The following CLCC1 variants were observed in gnomAD, a reference collection of about 807,000 sequenced individuals.
The protein encoded by CLCC1 is chloride channel CLIC like 1, also known as chloride channel CLIC-like protein 1.
A neutral mutation model predicts 63.3 loss-of-function variants in CLCC1; 39 were observed. The observed-to-expected ratio is 0.62, with a 90% confidence interval of 0.48 to 0.81. The LOEUF is 0.81. Among genes scored for constraint, CLCC1 ranks in the 30% least tolerant of loss-of-function variants. The pLI is 0.00. For missense variants in CLCC1, 549 were observed against 669.4 expected, an observed-to-expected ratio of 0.82 and a Z score of 1.98; for synonymous variants, 217 against 239.8, an observed-to-expected ratio of 0.90 and a Z score of 0.88.
In CLCC1 at chr1:108,951,213, T is replaced by A. The variant is rs114862885; in HGVS notation, c.-11-765A>T. Among the ~76,000 whole-genome samples the A allele has an allele frequency of 7.4e-3, 1,127 of 151,954 alleles. 8 individuals are homozygous for A. Among genetic ancestry groups the A allele is most frequent in the Non-Finnish European group, 0.011 (771 of 67,956 alleles). On this transcript the variant is annotated intron_variant, in intron 2 of 12. Coordinates refer to ENST00000369969, the MANE Select transcript of CLCC1 (RefSeq NM_001377458.1). ...AGGAGTTCAAGACCAGGCTAGGTAA[T>A]GAAAAAAATAACCAAAAAATTAGCC...
chr1:108,956,906 G>GGGGAGGCGGGGAGGCA (rs1405823341), intron 2 of CLCC1, among the ~76,000 whole-genome samples: 1 of 149,296 alleles, frequency 6.7e-6, no homozygotes, highest in Non-Finnish European at 1.5e-5. Flanking sequence ...GCGGGGAGGC[G>GGGGAGGCGGGGAGGCA]GGGAGGGAGT....
intron 2 of CLCC1, among the ~76,000 whole-genome samples, chr1:108,960,941 C>T (rs752540092): frequency 1.1e-4 from 17 of 152,092 alleles, no homozygotes; most frequent in Non-Finnish European, 1.6e-4. Context: ...CCCTGCCCGC[C>T]GCCTTGTCTT....
At chr1:108,951,186 T>C (rs921068773) in intron 2 of CLCC1, among the ~76,000 whole-genome samples, 5 of 152,008 alleles carry the variant, frequency 3.3e-5, no homozygotes, top group South Asian at 4.1e-4. Context: ...TCACTTGAGC[T>C]CAGGAGTTCA....
intron 12 of CLCC1, chr1:108,934,264 G>C (rs1382271750): frequency 5.8e-6 from 1 of 173,794 alleles, no homozygotes; most frequent in Non-Finnish European, 1.2e-5. Flanking sequence ...GGCATCAAGT[G>C]GGTGGCCTTA....
Position 108,930,428 on chromosome 1 carries a change from A to C in CLCC1, c.*2119T>G, listed in dbSNP as rs191678882. The C allele has an allele frequency of 3.3e-4, 51 of 153,902 alleles. No individual in the cohort carries two copies. Among genetic ancestry groups the C allele is most frequent in the Non-Finnish European group, 6.4e-4 (44 of 69,248 alleles). 9.5% of individuals were successfully genotyped at this position (153,902 alleles called of 1,614,324 possible). ...CTAGGTTTTTTTTTCCTCCATGAAA[A>C]TCTGTTTTTTTAGGCCAAAGTCAGT... On this transcript the variant is annotated 3_prime_UTR_variant, in exon 13 of 13. Coordinates refer to ENST00000369969, the MANE Select transcript of CLCC1 (RefSeq NM_001377458.1).
chr1:108,959,647 T>C (rs1295716650), intron 2 of CLCC1, among the ~76,000 whole-genome samples: 1 of 152,200 alleles, frequency 6.6e-6, no homozygotes, highest in Non-Finnish European at 1.5e-5. Flanking sequence ...ATAGAATATA[T>C]ACAAGGTTCA....
chr1:108,946,218 G>A (rs1394803739), intron 5 of CLCC1, among the ~76,000 whole-genome samples: 1 of 151,532 alleles, frequency 6.6e-6, no homozygotes, highest in Admixed American at 6.6e-5. Context: ...GCTGAGGCAG[G>A]AGAATGGTGT....
In CLCC1 at chr1:108,940,079, A is replaced by G. The variant is rs753029458; in HGVS notation, c.860T>C (p.Leu287Pro). Residue 287 changes from leucine to proline, a missense_variant, in exon 9 of 13, where the codon CTA becomes CCA. Leu to Pro is a moderately conservative substitution (Grantham distance 98). Coordinates refer to ENST00000369969, the MANE Select transcript of CLCC1 (RefSeq NM_001377458.1). ...TGGGACCAACCAAATAGGGTTGACT[A>G]GTAAGAGCTCATAGTATTTTTGGCA... is the stretch of plus-strand genomic sequence containing the variant. ...DPCQKYYELL[L>P]VNPIWLVPPT... 1 of 1,613,792 alleles carries G rather than the reference A, an allele frequency of 6.2e-7. No individual in the cohort carries two copies. The highest frequency in any genetic ancestry group is 8.5e-7 in the Non-Finnish European group (1 of 1,179,744).
At position 108,950,464 on chromosome 1, in the gene CLCC1, A is replaced by C. The variant is rs200708701; in HGVS notation, c.-11-16T>G. The stretch of plus-strand genomic sequence containing the variant: ...CTGTATAAGGCTAAAACAATTTTTA[A>C]TATATATAATGAAATAGAATTATTT... On this transcript the variant is annotated splice_polypyrimidine_tract_variant and intron_variant, in intron 2 of 12. Coordinates refer to ENST00000369969, the MANE Select transcript of CLCC1 (RefSeq NM_001377458.1). The C allele has an allele frequency of 1.9e-4, 267 of 1,421,688 alleles. 1 individual carries two copies. In the East Asian group the frequency reaches 5.8e-3, roughly 31 times the overall value. 88.1% of individuals were successfully genotyped at this position (1,421,688 alleles called of 1,614,324 possible). A position where few individuals can be genotyped will look rare whatever the true frequency, so the allele number is the denominator to read the frequency against.
intron 9 of CLCC1, 21 bp from the exon 10 acceptor site, chr1:108,939,803 CTTAA>C: frequency 6.2e-7 from 1 of 1,610,018 alleles, no homozygotes; most frequent in Non-Finnish European, 8.5e-7. Context: ...AGAAAAGCAA[CTTAA>C]TTTTCTCCTC....
intron 2 of CLCC1, among the ~76,000 whole-genome samples, chr1:108,958,222 C>T (rs984951658): frequency 1.3e-5 from 2 of 151,482 alleles, no homozygotes; most frequent in Admixed American, 1.3e-4. Context: ...ACCCCATCTA[C>T]GGTTTTGCTT....
intron 2 of CLCC1, among the ~76,000 whole-genome samples, chr1:108,955,469 T>A (rs917155465): frequency 4.6e-5 from 7 of 151,382 alleles, no homozygotes; most frequent in African/African-American, 1.2e-4. Flanking sequence ...AATCCTTTGG[T>A]TGAAGTGGGG....
intron 12 of CLCC1, chr1:108,933,082 C>G (rs1356295173): frequency 1.3e-5 from 2 of 152,204 alleles, no homozygotes; most frequent in African/African-American, 4.8e-5. Context: ...AACAACTGAG[C>G]TTAAGCGATC....
intron 1 of CLCC1, among the ~76,000 whole-genome samples, 154 bp downstream of exon 1, chr1:108,963,207 C>G (rs1477432910): frequency 6.6e-6 from 1 of 152,194 alleles, no homozygotes; most frequent in Non-Finnish European, 1.5e-5. Flanking sequence ...ACCCACAGGC[C>G]GCAGCGGACG....
At chr1:108,940,835 C>T (rs1056729401) in intron 8 of CLCC1, among the ~76,000 whole-genome samples, 5 of 152,126 alleles carry the variant, frequency 3.3e-5, no homozygotes, top group Admixed American at 1.3e-4. Flanking sequence ...TGCAGAATTC[C>T]GTGTCAGTCA....
chr1:108,933,965 A>G (rs577242132), intron 12 of CLCC1: 1 of 152,404 alleles, frequency 6.6e-6, no homozygotes, highest in African/African-American at 2.4e-5. Flanking sequence ...TAAAAAGCCC[A>G]TGCACTTCAA....
At chr1:108,950,059 A>G in intron 3 of CLCC1, 138 bp from the exon 4 acceptor site, 1 of 677,052 alleles carries the variant, frequency 1.5e-6, no homozygotes, top group Non-Finnish European at 2.4e-6. Flanking sequence ...TGAACCACAA[A>G]AAAAAAGTTT....
Position 108,937,264 on chromosome 1 carries a change from T to C in CLCC1, c.1196A>G (p.His399Arg). 1 of 1,614,228 alleles carries C rather than the reference T, an allele frequency of 6.2e-7. No homozygotes were observed. The highest frequency in any genetic ancestry group is 8.5e-7 in the Non-Finnish European group (1 of 1,180,036). The change falls in exon 11 of 13, where the codon CAT (histidine) becomes CGT (arginine). Residue 399 changes from histidine (H) to arginine (R), a missense_variant. His to Arg is a conservative substitution (Grantham distance 29). Coordinates refer to ENST00000369969, the MANE Select transcript of CLCC1 (RefSeq NM_001377458.1). ...AGTGGGGCCCATTTGGCCCCTATAA[T>C]GGAAATCGGCATCACCTGCTCCACC... is the stretch of plus-strand genomic sequence containing the variant. Reference protein sequence around the residue: ...PDGGAGDADFHYRGQMGPTEQ... With the variant: ...PDGGAGDADFRYRGQMGPTEQ...
intron 10 of CLCC1, 40 bp from the exon 11 acceptor site, chr1:108,937,458 G>T: frequency 1.4e-6 from 2 of 1,461,706 alleles, no homozygotes; most frequent in Non-Finnish European, 1.8e-6. Context: ...GGACTCAATG[G>T]CTAACTTACA....
Sources: gnomAD v4.1 joint callset for allele counts (sites outside exome capture counted in the v4.1 genomes callset) on GRCh38, gnomAD v4.1.1 for gene constraint, MANE v1.5 for transcripts, NCBI Gene and HGNC (gene_info 2026-07-23, HGNC 2026-07-21) for gene names.